Variants in PNMA5 observed in about 807,000 individuals in gnomAD.
The protein encoded by PNMA5 is paraneoplastic antigen-like protein 5.
For missense variants in PNMA5, 334 were observed against 356.6 expected, an observed-to-expected ratio of 0.94 and a Z score of 0.51; for synonymous variants, 138 against 137.9, an observed-to-expected ratio of 1.00 and a Z score of 0.00.
Position 152,990,415 on chromosome X carries a change from A to G in PNMA5, c.1184T>C (p.Leu395Pro), listed in dbSNP as rs1375532022. 8.6e-7 allele frequency: 1 copy of G among 1,166,433 alleles called. No individual in the cohort carries two copies. The highest frequency in any genetic ancestry group is 3.0e-5 in the East Asian group (1 of 33,316). ...GLPPLVKRRR[L>P]LGSESTRGED... Reference sequence around the variant, plus strand: ...TCCCCTAGTGCTTTCACTGCCTAACAGCCGCCTGCGTTTCACTAATGGGGG... The same window carrying G: ...TCCCCTAGTGCTTTCACTGCCTAACGGCCGCCTGCGTTTCACTAATGGGGG... The change falls in exon 4 of 4, where the codon CTG becomes CCG. Residue 395 changes from leucine (L) to proline (P), a missense_variant. Transcript: ENST00000535214.
At chrX:152,993,545 AGTTT>A (rs1341674029) in intron 1 of PNMA5, among the ~76,000 whole-genome samples, 1 of 111,254 alleles carries the variant, frequency 9.0e-6, no homozygotes, top group Non-Finnish European at 1.9e-5. Context: ...GTCTCCCTGA[AGTTT>A]GTTTGTTTTT....
rs1251270177 is a variant in PNMA5 at position 152,992,660 on chromosome X, G to A, written c.-203C>T. The A allele has an allele frequency of 8.9e-6, 1 of 111,756 alleles. No homozygotes were observed. The highest frequency in any genetic ancestry group is 2.8e-4 in the East Asian group (1 of 3,511). 9.2% of individuals were successfully genotyped at this position (111,756 alleles called of 1,213,427 possible). ...GGCCCAACTCACAGCTGCTCACCTT[G>A]CTGGGTTGGCCCTGCTGGCAGCGCG... On this transcript the variant is annotated 5_prime_UTR_variant, in exon 2 of 4. Coordinates refer to ENST00000535214, the MANE Select transcript of PNMA5 (RefSeq NM_001184924.2).
rs2050928127 is a variant in PNMA5, at chrX:152,993,829, G to A, written c.-330+204C>T. Reference sequence around the variant, plus strand: ...CAAAGTGCTGGGATTACAGGTGTGAGCCACCGCGCCCGGCCAGGTCTCCCT... The same window carrying A: ...CAAAGTGCTGGGATTACAGGTGTGAACCACCGCGCCCGGCCAGGTCTCCCT... On this transcript the variant is annotated intron_variant, in intron 1 of 3. Coordinates refer to ENST00000535214, the MANE Select transcript of PNMA5 (RefSeq NM_001184924.2). Among the ~76,000 whole-genome samples the A allele has an allele frequency of 2.7e-5, 3 of 112,757 alleles. No homozygotes were observed. In the Admixed American group the frequency reaches 2.8e-4, roughly 10 times the overall value.
chrX:152,993,834 C>T (rs1363447069), intron 1 of PNMA5, among the ~76,000 whole-genome samples, 199 bp downstream of exon 1: 7 of 112,814 alleles, frequency 6.2e-5, no homozygotes, highest in Non-Finnish European at 1.1e-4. Context: ...TGTGAGCCAC[C>T]GCGCCCGGCC....
In PNMA5 at chrX:152,991,705, C is replaced by A; in HGVS notation, c.-107G>T. 9.6e-7 allele frequency: 1 copy of A among 1,038,152 alleles called. No homozygotes were observed. The highest frequency in any genetic ancestry group is 3.2e-5 in the South Asian group (1 of 31,673). 85.6% of individuals were successfully genotyped at this position (1,038,152 alleles called of 1,213,427 possible). A position where few individuals can be genotyped will look rare whatever the true frequency, so the allele number is the denominator to read the frequency against. On this transcript the variant is annotated 5_prime_UTR_variant, in exon 4 of 4. Coordinates refer to ENST00000535214, the MANE Select transcript of PNMA5 (RefSeq NM_001184924.2). ...TGCCACGTAGGAAGGCAGAAGTGGT[C>A]CCAGGTTTCACACAGCCTGCAAAGC... is the stretch of plus-strand genomic sequence containing the variant.
Position 152,990,128 on chromosome X carries a change from A to G in PNMA5, c.*124T>C. The G allele has an allele frequency of 9.8e-7, 1 of 1,019,745 alleles. No individual in the cohort carries two copies. The highest frequency in any genetic ancestry group is 1.3e-6 in the Non-Finnish European group (1 of 795,954). The allele number at this position is 1,019,745 out of a possible 1,213,427, so 84.0% of individuals were successfully genotyped here. A position where few individuals can be genotyped will look rare whatever the true frequency, so the allele number is the denominator to read the frequency against. ...AGCTGGTGGAAAGTAAGGGGGCTTG[A>G]TCTCGACCTGGCTTCCCTGTCCCTC... On this transcript the variant is annotated 3_prime_UTR_variant, in exon 4 of 4. Transcript: ENST00000535214.
At chrX:152,993,720 T>G (rs1396997158) in intron 1 of PNMA5, among the ~76,000 whole-genome samples, 1 of 112,222 alleles carries the variant, frequency 8.9e-6, no homozygotes, top group Non-Finnish European at 1.9e-5. Context: ...ACTTTTTGTA[T>G]TTTTAGTAGA....
At position 152,989,480 on chromosome X, in the gene PNMA5, A is replaced by T. The variant is rs2050878049; in HGVS notation, c.*772T>A. 1 of 109,087 alleles carries T rather than the reference A, an allele frequency of 9.2e-6. No individual in the cohort carries two copies. Among genetic ancestry groups the T allele is most frequent in the Admixed American group, 9.7e-5 (1 of 10,332 alleles). The allele number at this position is 109,087 out of a possible 1,213,427, so 9.0% of individuals were successfully genotyped here. On this transcript the variant is annotated 3_prime_UTR_variant, in exon 4 of 4. Coordinates refer to ENST00000535214, the MANE Select transcript of PNMA5 (RefSeq NM_001184924.2). ...CGGGCCTGATGATGACGCAAACCAA[A>T]AACAACTACCCACCCCCAACACATC...
At position 152,991,167 on chromosome X, in the gene PNMA5, G is replaced by A; in HGVS notation, c.432C>T (p.Ser144=). 1 of 1,207,074 alleles carries A rather than the reference G, an allele frequency of 8.3e-7. No homozygotes were observed. Among genetic ancestry groups the A allele is most frequent in the Non-Finnish European group, 1.1e-6 (1 of 893,643 alleles). The part of the protein sequence containing the change: ...LDAEVMPQVR[S]PPLEPPKESM... ...TTTCTTTCGGAGGCTCTAAAGGTGG[G>A]GATCTAACTTGGGGCATGACCTCTG... Residue 144 remains serine, a synonymous_variant, in exon 4 of 4, where the codon TCC becomes TCT. Coordinates refer to ENST00000535214, the MANE Select transcript of PNMA5 (RefSeq NM_001184924.2).
At chrX:152,991,770 C>A in intron 3 of PNMA5, 49 bp from the exon 4 acceptor site, 1 of 635,697 alleles carries the variant, frequency 1.6e-6, no homozygotes, top group Non-Finnish European at 2.2e-6. Context: ...CCCCAACCTA[C>A]GCCCCCAAGC....
In PNMA5 at chrX:152,991,410, C is replaced by A; in HGVS notation, c.189G>T (p.Lys63Asn). The change falls in exon 4 of 4, where the codon AAG (lysine) becomes AAT (asparagine). Residue 63 changes from lysine (K) to asparagine (N), a missense_variant. By Grantham distance (94) the Lys-to-Asn change is moderately conservative. Coordinates refer to ENST00000535214, the MANE Select transcript of PNMA5 (RefSeq NM_001184924.2). The part of the protein sequence containing the change: ...GRMFRREDNA[K>N]AVFIELADTV... ...TGTCAGCCAGTTCAATGAAGACTGCCTTGGCATTGTCTTCCCTCCTGAACA... is the reference window on the plus strand; with the variant it reads ...TGTCAGCCAGTTCAATGAAGACTGCATTGGCATTGTCTTCCCTCCTGAACA... 8.4e-7 allele frequency: 1 copy of A among 1,197,020 alleles called. No homozygotes were observed. The highest frequency in any genetic ancestry group is 1.1e-6 in the Non-Finnish European group (1 of 888,177).
Position 152,990,776 on chromosome X carries a change from G to A in PNMA5, c.823C>T (p.His275Tyr). The A allele has an allele frequency of 2.5e-6, 3 of 1,188,812 alleles. No individual in the cohort carries two copies. The highest frequency in any genetic ancestry group is 2.3e-6 in the Non-Finnish European group (2 of 885,329). Residue 275 changes from histidine to tyrosine, a missense_variant, in exon 4 of 4, where the codon CAC becomes TAC. By Grantham distance (83) the His-to-Tyr change is moderately conservative. Transcript: ENST00000535214. ...RLEPLLQKAV[H>Y]KSPLSVRSTD... ...CTGCGCACTGACAAGGGGCTCTTGTGCACGGCTTTCTGCAGCAGGGGCTCT... is the reference window on the plus strand; with the variant it reads ...CTGCGCACTGACAAGGGGCTCTTGTACACGGCTTTCTGCAGCAGGGGCTCT...
rs782164970 is a variant in PNMA5, at chrX:152,991,023, A to G, written c.576T>C (p.Ser192=). 9.1e-6 allele frequency: 11 copies of G among 1,204,951 alleles called. No homozygotes were observed. The East Asian group carries it at 3.0e-4, about 32-fold the overall frequency. ...VTEIMPIWQV[S]EVEKRRRLLE... ...GCAAACGCCGCCTCTTCTCCACCTC[A>G]GACACTTGCCATATGGGCATTATCT... The change falls in exon 4 of 4, where the codon TCT becomes TCC. Residue 192 remains serine (S), a synonymous_variant. Transcript: ENST00000535214.
Position 152,990,586 on chromosome X carries a change from A to G in PNMA5, c.1013T>C (p.Met338Thr). The G allele has an allele frequency of 1.3e-5, 15 of 1,188,423 alleles. No homozygotes were observed. The highest frequency in any genetic ancestry group is 1.7e-5 in the Non-Finnish European group (15 of 886,307). ...CCCTGATGGCTTCTCCTTATTCTTCATCACTGCCTCAGTGTTCTCCCACTC... is the reference window on the plus strand; with the variant it reads ...CCCTGATGGCTTCTCCTTATTCTTCGTCACTGCCTCAGTGTTCTCCCACTC... ...EEEWENTEAV[M>T]KNKEKPSGRG... The change falls in exon 4 of 4, where the codon ATG (methionine) becomes ACG (threonine). Residue 338 changes from methionine (M) to threonine (T), a missense_variant. Coordinates refer to ENST00000535214, the MANE Select transcript of PNMA5 (RefSeq NM_001184924.2).
Position 152,992,748 on chromosome X carries a change from G to C in PNMA5, c.-291C>G, listed in dbSNP as rs2050917917. On this transcript the variant is annotated 5_prime_UTR_variant, in exon 2 of 4. Transcript: ENST00000535214. ...CTTTTCAACTCTATCCAGTTAGGCA[G>C]TTCCTGACTCAGGCGTGATGGGTCC... The C allele has an allele frequency of 9.0e-6, 1 of 111,226 alleles. No individual in the cohort carries two copies. Among genetic ancestry groups the C allele is most frequent in the Non-Finnish European group, 1.9e-5 (1 of 53,039 alleles). The allele number at this position is 111,226 out of a possible 1,213,427, so 9.2% of individuals were successfully genotyped here. A position where few individuals can be genotyped will look rare whatever the true frequency, so the allele number is the denominator to read the frequency against.
rs1556924239 is a variant in PNMA5 at position 152,990,543 on chromosome X, G to A, written c.1056C>T (p.Ser352=). 5 of 1,203,262 alleles carry A rather than the reference G, an allele frequency of 4.2e-6. No individual in the cohort carries two copies. Among genetic ancestry groups the A allele is most frequent in the South Asian group, 3.6e-5 (2 of 55,104 alleles). ...EKPSGRGRGA[S]GRQARAEASV... ...TGGCTTCTGCTCTTGCCTGTCTACC[G>A]GAGGCCCCCCGGCCTCTCCCTGATG... is the stretch of plus-strand genomic sequence containing the variant. Residue 352 remains serine (S), a synonymous_variant, in exon 4 of 4, where the codon TCC becomes TCT. Coordinates refer to ENST00000535214, the MANE Select transcript of PNMA5 (RefSeq NM_001184924.2).
chrX:152,990,714 C>T lies in PNMA5; in HGVS notation c.885G>A (p.Arg295=), dbSNP rs1556924330. The T allele has an allele frequency of 5.8e-6, 7 of 1,197,052 alleles. No homozygotes were observed. The highest frequency in any genetic ancestry group is 4.6e-5 in the Admixed American group (2 of 43,771). ...CCCTGAGGGCGGGGGTCATGGCGAC[C>T]CGAGCTAAGAGATGTTTCAGACGAA... is the stretch of plus-strand genomic sequence containing the variant. The part of the protein sequence containing the change: ...DMIRLKHLLA[R]VAMTPALRGK... Residue 295 remains arginine, a synonymous_variant, in exon 4 of 4, where the codon CGG becomes CGA. Coordinates refer to ENST00000535214, the MANE Select transcript of PNMA5 (RefSeq NM_001184924.2).
intron 1 of PNMA5, 95 bp from the exon 2 acceptor site, chrX:152,992,881 C>G (rs967192310): frequency 9.3e-6 from 1 of 107,720 alleles, no homozygotes. Flanking sequence ...CATAGGTGTT[C>G]ACTAGGACCC....
intron 1 of PNMA5, among the ~76,000 whole-genome samples, 158 bp from the exon 2 acceptor site, chrX:152,992,944 G>A (rs2050919131): frequency 1.0e-5 from 1 of 97,507 alleles, no homozygotes; most frequent in African/African-American, 3.7e-5. Context: ...GGAGCGGGGG[G>A]AGGAGTCGGG....
Sources: gnomAD v4.1 joint callset for allele counts (sites outside exome capture counted in the v4.1 genomes callset) on GRCh38, gnomAD v4.1.1 for gene constraint, MANE v1.5 for transcripts, NCBI Gene and HGNC (gene_info 2026-07-23, HGNC 2026-07-21) for gene names.